Variants in LRIG3 observed in about 807,000 individuals in gnomAD.
LRIG3 encodes leucine-rich repeats and immunoglobulin-like domains protein 3.
LRIG3 carries 76 observed loss-of-function variants against 114.5 expected under a neutral mutation model. That is an observed-to-expected ratio of 0.66 (90% CI 0.55 to 0.80). The LOEUF is 0.80. LRIG3 is among the 30% of genes least tolerant of loss of function. The probability of loss-of-function intolerance (pLI) is 0.00; values close to 1 mark genes in which losing one functional copy is unlikely to be tolerated. For synonymous variants in LRIG3, 512 were observed against 519.8 expected (o/e 0.98, Z 0.20); for missense variants, 1,239 against 1,382.8 (o/e 0.90, Z 1.65).
chr12:58,890,826 G>A, intron 3 of LRIG3, 30 bp from the exon 4 acceptor site: 1 of 1,579,994 alleles, frequency 6.3e-7, no homozygotes, highest in Non-Finnish European at 8.6e-7. Flanking sequence ...CAGTTAACAA[G>A]GTTAACGGTA....
At chr12:58,916,332 T>C (rs1006641168) in intron 1 of LRIG3, among the ~76,000 whole-genome samples, 5 of 152,190 alleles carry the variant, frequency 3.3e-5, no homozygotes, top group African/African-American at 1.2e-4. Flanking sequence ...ATTCTTGAGT[T>C]TTGTGTACTA....
intron 4 of LRIG3, 43 bp from the exon 5 acceptor site, chr12:58,890,182 G>T: frequency 1.9e-6 from 3 of 1,602,434 alleles, no homozygotes; most frequent in Non-Finnish European, 2.6e-6. Context: ...TGATTTATTT[G>T]CAAGTTAAAG....
At chr12:58,879,848 GT>G (rs1357875894) in intron 13 of LRIG3, among the ~76,000 whole-genome samples, 1 of 152,206 alleles carries the variant, frequency 6.6e-6, no homozygotes, top group Non-Finnish European at 1.5e-5. Flanking sequence ...ATTGAAAGAT[GT>G]GGAACTGGAG....
At chr12:58,893,386 A>AT (rs1358056902) in intron 3 of LRIG3, among the ~76,000 whole-genome samples, 1 of 152,196 alleles carries the variant, frequency 6.6e-6, no homozygotes, top group African/African-American at 2.4e-5. Flanking sequence ...GAACTTTATG[A>AT]TAATAGTAAA....
intron 3 of LRIG3, among the ~76,000 whole-genome samples, chr12:58,903,485 G>A (rs531727953): frequency 6.6e-4 from 101 of 152,172 alleles, no homozygotes; most frequent in African/African-American, 2.1e-3. Flanking sequence ...AGATGAGTAG[G>A]TTGCAAAAAT....
Position 58,888,663 on chromosome 12 carries a change from G to A in LRIG3, c.803+156C>T, listed in dbSNP as rs139650930. Among the ~76,000 whole-genome samples the A allele has an allele frequency of 2.1e-4, 32 of 152,062 alleles. No homozygotes were observed. The East Asian group carries it at 5.8e-3, about 28-fold the overall frequency. ...TAAATTTAGGTACTTATAAATTATC[G>A]ATCACATTACCTGAATCAAAACTGA... On this transcript the variant is annotated intron_variant, in intron 6 of 18. Coordinates refer to ENST00000320743, the MANE Select transcript of LRIG3 (RefSeq NM_153377.5).
At chr12:58,882,063 C>G (rs967358083) in intron 12 of LRIG3, among the ~76,000 whole-genome samples, 1 of 152,190 alleles carries the variant, frequency 6.6e-6, no homozygotes. Context: ...CTGCTTAATG[C>G]TGCAACCTAA....
At position 58,885,823 on chromosome 12, in the gene LRIG3, C is replaced by T. The variant is rs182207574; in HGVS notation, c.1244+8G>A. On this transcript the variant is annotated splice_region_variant and intron_variant, in intron 10 of 18. Coordinates refer to ENST00000320743, the MANE Select transcript of LRIG3 (RefSeq NM_153377.5). ...CTCTTTTAGGGTAACTAAATTCTAG[C>T]TACTCACAGATGCTCCAATGCATCC... 2.5e-4 allele frequency: 387 copies of T among 1,551,924 alleles called. 1 individual carries two copies. The African/African-American group carries it at 4.7e-3, about 19-fold the overall frequency.
At chr12:58,889,073 C>A in intron 5 of LRIG3, 111 bp from the exon 6 acceptor site, 1 of 972,816 alleles carries the variant, frequency 1.0e-6, no homozygotes, top group Non-Finnish European at 1.5e-6. Context: ...CAATTACATA[C>A]AGTGTTTTCA....
chr12:58,913,920 A>T lies in LRIG3; in HGVS notation c.383+62T>A. 2.1e-6 allele frequency: 3 copies of T among 1,398,936 alleles called. No individual in the cohort carries two copies. The South Asian group carries it at 3.7e-5, about 17-fold the overall frequency. The allele number at this position is 1,398,936 out of a possible 1,614,324, so 86.7% of individuals were successfully genotyped here. On this transcript the variant is annotated intron_variant, in intron 3 of 18. Transcript: ENST00000320743. ...TTCTAAGATCTCTATGCTAGTCCCT[A>T]TGGAACTCCCACTCAAGGTTCCTGC...
chr12:58,905,757 C>A (rs1187624777), intron 3 of LRIG3, among the ~76,000 whole-genome samples: 1 of 152,136 alleles, frequency 6.6e-6, no homozygotes, highest in Non-Finnish European at 1.5e-5. Context: ...CGTGTTCAGG[C>A]CCCCTTGACA....
intron 3 of LRIG3, among the ~76,000 whole-genome samples, chr12:58,895,228 CT>C (rs1257109680): frequency 5.3e-5 from 8 of 152,106 alleles, no homozygotes; most frequent in African/African-American, 1.9e-4. Context: ...AGCTTAAAGT[CT>C]AGTGGGGAGG....
In LRIG3 at chr12:58,874,175, T is replaced by C. The variant is rs1471393364; in HGVS notation, c.2995A>G (p.Asn999Asp). Reference protein sequence around the residue: ...SWPSHVRKLLNTSYSHNEGPG... With the variant: ...SWPSHVRKLLDTSYSHNEGPG... The stretch of plus-strand genomic sequence containing the variant: ...CCTTCATTGTGAGAGTAACTAGTGT[T>C]AAGTAGCTTCCTCACATGTGAAGGC... The change falls in exon 18 of 19, where the codon AAC (asparagine) becomes GAC (aspartate). Residue 999 changes from asparagine to aspartate, a missense_variant. Transcript: ENST00000320743. 1 of 1,614,220 alleles carries C rather than the reference T, an allele frequency of 6.2e-7. No homozygotes were observed. The highest frequency in any genetic ancestry group is 1.3e-5 in the African/African-American group (1 of 75,060).
intron 3 of LRIG3, among the ~76,000 whole-genome samples, chr12:58,900,668 C>A (rs533981158): frequency 6.6e-6 from 1 of 152,284 alleles, no homozygotes; most frequent in South Asian, 2.1e-4. Context: ...ATTTTCACTT[C>A]AGATGATAGT....
chr12:58,882,981 T>C lies in LRIG3; in HGVS notation c.1368A>G (p.Pro456=). 6.2e-7 allele frequency: 1 copy of C among 1,614,098 alleles called. No homozygotes were observed. The highest frequency in any genetic ancestry group is 8.5e-7 in the Non-Finnish European group (1 of 1,179,966). Residue 456 remains proline (P), a synonymous_variant, in exon 12 of 19, where the codon CCA becomes CCG. Transcript: ENST00000320743. The stretch of plus-strand genomic sequence containing the variant: ...GAAAGTTGTTTTCCGCCACCCACTG[T>C]GGGAGCCATTTTAGCTGGCAATCGC... The part of the protein sequence containing the change: ...LLCDCQLKWL[P]QWVAENNFQS...
chr12:58,881,747 T>C (rs561543347), intron 12 of LRIG3, among the ~76,000 whole-genome samples: 81 of 152,208 alleles, frequency 5.3e-4, no homozygotes, highest in Non-Finnish European at 8.7e-4. Context: ...GAATGGGTTA[T>C]AGGGGATGCT....
At chr12:58,919,600 G>A (rs1345284065) in intron 1 of LRIG3, 1 of 1,520,112 alleles carries the variant, frequency 6.6e-7, no homozygotes, top group African/African-American at 1.4e-5. Context: ...AACTGAACCA[G>A]ACTCATAACT....
intron 11 of LRIG3, 74 bp from the exon 12 acceptor site, chr12:58,883,106 A>G: frequency 7.0e-7 from 1 of 1,425,852 alleles, no homozygotes; most frequent in Non-Finnish European, 9.5e-7. Context: ...ACCCAAGTAA[A>G]TATTAACAAA....
In LRIG3 at chr12:58,883,047, T is replaced by C; in HGVS notation, c.1317-15A>G. ...TATTTAAATGCCTGAGGAGAGTAAT[T>C]ACATTCAATTTGTTCTGTATGAAAT... On this transcript the variant is annotated splice_polypyrimidine_tract_variant and intron_variant, in intron 11 of 18. Transcript: ENST00000320743. 6.3e-7 allele frequency: 1 copy of C among 1,595,212 alleles called. No homozygotes were observed. Among genetic ancestry groups the C allele is most frequent in the Admixed American group, 1.8e-5 (1 of 57,132 alleles).
Sources: gnomAD v4.1 joint callset for allele counts (sites outside exome capture counted in the v4.1 genomes callset) on GRCh38, gnomAD v4.1.1 for gene constraint, MANE v1.5 for transcripts, NCBI Gene and HGNC (gene_info 2026-07-23, HGNC 2026-07-21) for gene names.